RBFOX3: variants seen among roughly 807,000 people sequenced by gnomAD.
RBFOX3 encodes the protein RNA binding fox-1 homolog 3.
In RBFOX3, 17 loss-of-function variants were observed where a neutral mutation model predicts 48.7. The observed-to-expected ratio is 0.35, with a 90% confidence interval of 0.24 to 0.52. RBFOX3 has a LOEUF of 0.52. Ranked by LOEUF, RBFOX3 falls within the 20% of genes least tolerant of loss-of-function variation. RBFOX3 has a pLI of 0.94. For synonymous variants in RBFOX3, 212 were observed against 209.5 expected, an observed-to-expected ratio of 1.01 and a Z score of -0.10; for missense variants, 382 against 497.5, an observed-to-expected ratio of 0.77 and a Z score of 2.21.
the RBFOX3 span, among the ~76,000 whole-genome samples, chr17:79,639,074 T>C: frequency 6.6e-6 from 1 of 152,194 alleles, no homozygotes; most frequent in African/African-American, 2.4e-5. Flanking sequence ...TTGAATTATA[T>C]GGAACAATCA....
chr17:79,414,061 C>A (rs561637204), intron 2 of RBFOX3, among the ~76,000 whole-genome samples: 1 of 152,232 alleles, frequency 6.6e-6, no homozygotes, highest in South Asian at 2.1e-4. Flanking sequence ...AAACTCCCCA[C>A]CAGCTCGGCT....
chr17:79,170,901 C>T (rs1377574450), intron 4 of RBFOX3, among the ~76,000 whole-genome samples: 1 of 152,232 alleles, frequency 6.6e-6, no homozygotes, highest in East Asian at 1.9e-4. Flanking sequence ...CCCACTCAAC[C>T]CTGTCTTTCC....
intron 1 of RBFOX3, among the ~76,000 whole-genome samples, chr17:79,589,660 C>T (rs1025376038): frequency 6.6e-6 from 1 of 152,132 alleles, no homozygotes; most frequent in Non-Finnish European, 1.5e-5. Context: ...CAGAAATGCA[C>T]GGGGAGGAGC....
rs1384606485 is a variant in RBFOX3 at position 79,480,956 on chromosome 17, T to C, written c.-175+1498A>G. ...AGCACCCCAAACAGGGCTCAGCACA[T>C]CGGGGGCTCAAGGTTGTGGAATGAA... On this transcript the variant is annotated intron_variant, in intron 2 of 14. Coordinates refer to ENST00000693108, the MANE Select transcript of RBFOX3 (RefSeq NM_001350451.2). This position sits in a 1 kb window ranked among gnomAD's most constrained non-coding sequence, Gnocchi z 4.8. Among the ~76,000 whole-genome samples the C allele has an allele frequency of 6.6e-6, 1 of 152,096 alleles. No individual in the cohort carries two copies. The highest frequency in any genetic ancestry group is 2.4e-5 in the African/African-American group (1 of 41,408).
intron 2 of RBFOX3, among the ~76,000 whole-genome samples, chr17:79,467,461 G>T (rs1354130865): frequency 1.3e-5 from 2 of 152,148 alleles, no homozygotes; most frequent in Non-Finnish European, 2.9e-5. Flanking sequence ...TTGGTACCAG[G>T]TAAACTCATG....
intron 1 of RBFOX3, among the ~76,000 whole-genome samples, chr17:79,524,565 A>G (rs1232426010): frequency 6.6e-6 from 1 of 152,162 alleles, no homozygotes; most frequent in Non-Finnish European, 1.5e-5. Context: ...AGGTTGTGGA[A>G]GCTCTTTCCT....
chr17:79,480,963 C>T lies in RBFOX3; in HGVS notation c.-175+1491G>A, dbSNP rs963637576. On this transcript the variant is annotated intron_variant, in intron 2 of 14. Transcript: ENST00000693108. The surrounding 1 kb of genome is among the most constrained non-coding windows in gnomAD (Gnocchi z 4.8). Reference sequence around the variant, plus strand: ...CAAACAGGGCTCAGCACATCGGGGGCTCAAGGTTGTGGAATGAACAATGTA... The same window carrying T: ...CAAACAGGGCTCAGCACATCGGGGGTTCAAGGTTGTGGAATGAACAATGTA... Among the ~76,000 whole-genome samples the T allele has an allele frequency of 1.3e-5, 2 of 152,190 alleles. No homozygotes were observed. Among genetic ancestry groups the T allele is most frequent in the African/African-American group, 2.4e-5 (1 of 41,442 alleles).
rs951386743 is a variant in RBFOX3, at chr17:79,089,365, TC to T, written c.*1517del. 1 of 152,614 alleles carries T rather than the reference TC, an allele frequency of 6.6e-6. No homozygotes were observed. The highest frequency in any genetic ancestry group is 2.4e-5 in the African/African-American group (1 of 41,428). 9.5% of individuals were successfully genotyped at this position (152,614 alleles called of 1,614,324 possible). A position where few individuals can be genotyped will look rare whatever the true frequency, so the allele number is the denominator to read the frequency against. On this transcript the variant is annotated 3_prime_UTR_variant, in exon 15 of 15. Transcript: ENST00000693108. ...AGTTGTCCTGGTTTGAAGAAAGAAA[TC>T]TTTATTAATAATCTTAATAATACTG...
intron 3 of RBFOX3, among the ~76,000 whole-genome samples, chr17:79,261,760 C>A (rs1395159957): frequency 6.6e-6 from 1 of 152,198 alleles, no homozygotes; most frequent in Non-Finnish European, 1.5e-5. Flanking sequence ...GGTGTGAAAC[C>A]AGGATGAAGG....
the RBFOX3 span, among the ~76,000 whole-genome samples, chr17:79,620,205 A>G: frequency 6.7e-6 from 1 of 150,348 alleles, no homozygotes. Context: ...ACACACGTGC[A>G]CATGCACACA....
the RBFOX3 span, among the ~76,000 whole-genome samples, chr17:79,644,160 G>C: frequency 3.3e-5 from 5 of 152,092 alleles, no homozygotes; most frequent in Admixed American, 3.3e-4. Context: ...AGATGAAATA[G>C]AACATTTGAG....
At chr17:79,658,809 A>T in the RBFOX3 span, among the ~76,000 whole-genome samples, 1 of 152,162 alleles carries the variant, frequency 6.6e-6, no homozygotes, top group Non-Finnish European at 1.5e-5. Context: ...AAAACACAGA[A>T]ACAAGAGCTT....
Position 79,477,533 on chromosome 17 carries a change from G to A in RBFOX3, c.-175+4921C>T, listed in dbSNP as rs1235209316. On this transcript the variant is annotated intron_variant, in intron 2 of 14. Coordinates refer to ENST00000693108, the MANE Select transcript of RBFOX3 (RefSeq NM_001350451.2). The surrounding 1 kb of genome is among the most constrained non-coding windows in gnomAD (Gnocchi z 4.8). Reference sequence around the variant, plus strand: ...ATCGCCCCATCGCACTCCAGCCTGGGCGACAGAGCGAAACTCCGTCACCGG... The same window carrying A: ...ATCGCCCCATCGCACTCCAGCCTGGACGACAGAGCGAAACTCCGTCACCGG... Among the ~76,000 whole-genome samples the A allele has an allele frequency of 5.9e-5, 9 of 151,582 alleles. No individual in the cohort carries two copies. The highest frequency in any genetic ancestry group is 2.0e-4 in the East Asian group (1 of 5,026).
chr17:79,283,900 C>G (rs889828197), intron 3 of RBFOX3, among the ~76,000 whole-genome samples: 6 of 137,672 alleles, frequency 4.4e-5, no homozygotes, highest in African/African-American at 7.8e-5. Context: ...AATGGAGATG[C>G]CTTCTCCAGG....
chr17:79,614,944 G>A (rs1187875425), upstream of RBFOX3, among the ~76,000 whole-genome samples: 1 of 151,312 alleles, frequency 6.6e-6, no homozygotes, highest in East Asian at 1.9e-4. Flanking sequence ...AGGAGGAGAA[G>A]AAAGGAAATC....
intron 1 of RBFOX3, among the ~76,000 whole-genome samples, chr17:79,500,824 C>T (rs1035011807): frequency 1.4e-4 from 22 of 152,134 alleles, no homozygotes; most frequent in Admixed American, 7.2e-4. Context: ...GGAAGAATGA[C>T]GTTGAGGGCA....
intron 2 of RBFOX3, among the ~76,000 whole-genome samples, chr17:79,425,774 G>A (rs540262211): frequency 9.2e-5 from 14 of 152,304 alleles, no homozygotes; most frequent in African/African-American, 2.9e-4. Context: ...TGGGGGCCCG[G>A]GGGTTCCGAA....
intron 1 of RBFOX3, among the ~76,000 whole-genome samples, chr17:79,602,848 G>C (rs1467305284): frequency 1.3e-5 from 2 of 152,174 alleles, no homozygotes; most frequent in Admixed American, 6.5e-5. Flanking sequence ...GGGGAGGGAG[G>C]CCATGATCCT....
In RBFOX3 at chr17:79,229,322, C is replaced by T. The variant is rs180917671; in HGVS notation, c.-34+6444G>A. ...CTGTAATCCCAGCACTTTGGGAGGC[C>T]GAGGAGGGCAGATCACTTGAGGTCA... On this transcript the variant is annotated intron_variant, in intron 4 of 14. Transcript: ENST00000693108. Among the ~76,000 whole-genome samples the T allele has an allele frequency of 2.2e-3, 326 of 146,242 alleles. 2 individuals are homozygous for T. The highest frequency in any genetic ancestry group is 7.9e-3 in the African/African-American group (312 of 39,370).
Sources: gnomAD v4.1 joint callset for allele counts (sites outside exome capture counted in the v4.1 genomes callset) on GRCh38, gnomAD v4.1.1 for gene constraint, Gnocchi (gnomAD v3.1) non-coding constraint, MANE v1.5 for transcripts, NCBI Gene and HGNC (gene_info 2026-07-23, HGNC 2026-07-21) for gene names.